Variants in SDS observed in about 807,000 individuals in gnomAD.
SDS encodes L-serine dehydratase/L-threonine deaminase.
Under a neutral mutation model 29.3 loss-of-function variants are expected in SDS, and 19 were observed. The ratio of observed to expected loss-of-function variants is 0.65; its 90% CI spans 0.45 to 0.95. SDS has a LOEUF of 0.95. Among genes scored for constraint, SDS ranks in the 40% least tolerant of loss-of-function variants. SDS has a pLI of 0.00. For missense variants in SDS, 375 were observed against 439.9 expected (o/e 0.85, Z 1.32); for synonymous variants, 176 against 189.0 (o/e 0.93, Z 0.56).
intron 6 of SDS, among the ~76,000 whole-genome samples, chr12:113,396,441 TTTTC>T (rs1445116513): frequency 2.7e-5 from 4 of 150,420 alleles, no homozygotes; most frequent in African/African-American, 7.4e-5. Context: ...TTCTCTTTCT[TTTTC>T]TTTCTCTCTT....
rs941835551 is a variant in SDS at position 113,392,781 on chromosome 12, G to C, written c.*160C>G. ...CCAATTCATAGCCTCGCTGGCTGCC[G>C]ACCTTTGGCCTCTGCATAGTGGGCT... On this transcript the variant is annotated 3_prime_UTR_variant, in exon 8 of 8. Coordinates refer to ENST00000257549, the MANE Select transcript of SDS (RefSeq NM_006843.3). The C allele has an allele frequency of 1.3e-6, 1 of 741,476 alleles. No individual in the cohort carries two copies. Among genetic ancestry groups the C allele is most frequent in the Non-Finnish European group, 2.3e-6 (1 of 428,176 alleles). 45.9% of individuals were successfully genotyped at this position (741,476 alleles called of 1,614,324 possible). A position where few individuals can be genotyped will look rare whatever the true frequency, so the allele number is the denominator to read the frequency against.
rs138384960 is a variant in SDS, at chr12:113,393,102, C to T, written c.826G>A (p.Ala276Thr). The T allele has an allele frequency of 2.6e-5, 42 of 1,613,990 alleles. No homozygotes were observed. Among genetic ancestry groups the T allele is most frequent in the African/African-American group, 2.1e-4 (16 of 74,950 alleles). ...VEPACGAALA[A>T]VYSHVIQKLQ... The stretch of plus-strand genomic sequence containing the variant: ...TTCTGGATCACGTGGCTATAGACAG[C>T]GGCCAGGGCTGCCCCGCAGGCGGGC... Residue 276 changes from alanine (A) to threonine (T), a missense_variant, in exon 8 of 8, where the codon GCT (alanine) becomes ACT (threonine). Coordinates refer to ENST00000257549, the MANE Select transcript of SDS (RefSeq NM_006843.3).
intron 5 of SDS, 94 bp from the exon 6 acceptor site, chr12:113,397,486 C>T (rs1011138132): frequency 1.7e-5 from 18 of 1,044,850 alleles, no homozygotes; most frequent in Non-Finnish European, 2.4e-5. Flanking sequence ...CTGATGGGGC[C>T]TGGAGCTAGT....
intron 5 of SDS, among the ~76,000 whole-genome samples, chr12:113,398,289 TCAAA>T (rs1360416125): frequency 6.6e-6 from 1 of 152,208 alleles, no homozygotes; most frequent in Non-Finnish European, 1.5e-5. Flanking sequence ...CAGACTGGTC[TCAAA>T]CACCTGACCT....
intron 5 of SDS, among the ~76,000 whole-genome samples, 200 bp downstream of exon 5, chr12:113,398,314 TC>T (rs1957661004): frequency 6.6e-6 from 1 of 152,148 alleles, no homozygotes; most frequent in South Asian, 2.1e-4. Flanking sequence ...CAAGTGATCC[TC>T]CCACCTTGGC....
Position 113,400,574 on chromosome 12 carries a change from C to T in SDS, c.-2-864G>A, listed in dbSNP as rs183060381. 1.8e-3 allele frequency among the ~76,000 whole-genome samples: 272 copies of T among 151,992 alleles called. 1 individual carries two copies. The highest frequency in any genetic ancestry group is 6.1e-3 in the African/African-American group (252 of 41,486). On this transcript the variant is annotated intron_variant, in intron 1 of 7. Coordinates refer to ENST00000257549, the MANE Select transcript of SDS (RefSeq NM_006843.3). The stretch of plus-strand genomic sequence containing the variant: ...CACACATACTCCATCCACACACACA[C>T]GATCCACTCCCACACACAATCCATC...
intron 1 of SDS, among the ~76,000 whole-genome samples, chr12:113,400,774 C>G (rs1188408256): frequency 6.6e-6 from 1 of 151,978 alleles, no homozygotes; most frequent in Non-Finnish European, 1.5e-5. Context: ...CTGAGGAGAG[C>G]TGGCCCTCGG....
intron 6 of SDS, chr12:113,396,548 T>C (rs1361356289): frequency 1.7e-4 from 5 of 29,302 alleles, no homozygotes; most frequent in Admixed American, 6.1e-4. Flanking sequence ...CTCTCTCCCT[T>C]CCTTCCTTCC....
At chr12:113,397,062 C>T (rs1174003696) in intron 6 of SDS, 103 bp downstream of exon 6, 1 of 1,047,464 alleles carries the variant, frequency 9.5e-7, no homozygotes, top group Non-Finnish European at 1.4e-6. Flanking sequence ...TCCATTGTCT[C>T]ATCTGTGAAA....
rs750505281 is a variant in SDS at position 113,398,495 on chromosome 12, TG to T, written c.425+19del. 33 of 1,538,822 alleles carry T rather than the reference TG, an allele frequency of 2.1e-5. No individual in the cohort carries two copies. In the East Asian group the frequency reaches 4.5e-4, roughly 21 times the overall value. The stretch of plus-strand genomic sequence containing the variant: ...GGCAGTGGCTGCCACCCCCACCAAG[TG>T]ACCTTGAACTCCACATACCAGATGA... On this transcript the variant is annotated intron_variant, in intron 5 of 7. Transcript: ENST00000257549.
rs930040174 is a variant in SDS at position 113,397,148 on chromosome 12, G to A, written c.653+17C>T. 1 of 1,609,962 alleles carries A rather than the reference G, an allele frequency of 6.2e-7. No individual in the cohort carries two copies. Among genetic ancestry groups the A allele is most frequent in the Non-Finnish European group, 8.5e-7 (1 of 1,176,392 alleles). Reference sequence around the variant, plus strand: ...AGTGCTTGCTGGACACCCGAGGGAGGCACCCCAGCTGCTCACCTGGTGATC... The same window carrying A: ...AGTGCTTGCTGGACACCCGAGGGAGACACCCCAGCTGCTCACCTGGTGATC... On this transcript the variant is annotated intron_variant, in intron 6 of 7. Transcript: ENST00000257549.
chr12:113,399,744 A>G, intron 1 of SDS, 34 bp from the exon 2 acceptor site: 1 of 1,502,640 alleles, frequency 6.7e-7, no homozygotes, highest in East Asian at 2.4e-5. Flanking sequence ...GAGGGTTAGG[A>G]GAGCTAGCCC....
intron 1 of SDS, among the ~76,000 whole-genome samples, chr12:113,401,295 T>G (rs1417761582): frequency 6.6e-6 from 1 of 152,210 alleles, no homozygotes; most frequent in Non-Finnish European, 1.5e-5. Context: ...AGCCCAATAT[T>G]CAGTTAGGAA....
At chr12:113,399,950 A>G (rs1256131308) in intron 1 of SDS, among the ~76,000 whole-genome samples, 2 of 152,116 alleles carry the variant, frequency 1.3e-5, no homozygotes, top group Non-Finnish European at 2.9e-5. Context: ...CCTCTCACAC[A>G]TTTGCTGGGA....
intron 6 of SDS, chr12:113,396,586 C>CTTCT (rs1957648272): frequency 2.7e-5 from 3 of 111,640 alleles, no homozygotes; most frequent in Non-Finnish European, 5.2e-5. Context: ...TCCTTCCTTC[C>CTTCT]TTCCTTCCTT....
intron 1 of SDS, among the ~76,000 whole-genome samples, chr12:113,402,063 G>A (rs1193258731): frequency 6.6e-6 from 1 of 152,136 alleles, no homozygotes; most frequent in Non-Finnish European, 1.5e-5. Flanking sequence ...AGAATGAGGG[G>A]TGGGGATTCC....
At chr12:113,403,229 C>T (rs1017000959) in intron 1 of SDS, among the ~76,000 whole-genome samples, 5 of 152,100 alleles carry the variant, frequency 3.3e-5, no homozygotes, top group Admixed American at 1.3e-4. Flanking sequence ...TGGGCTCCAG[C>T]GATCCTCCCA....
At chr12:113,402,089 C>T (rs1454210041) in intron 1 of SDS, among the ~76,000 whole-genome samples, 3 of 152,268 alleles carry the variant, frequency 2.0e-5, no homozygotes, top group African/African-American at 4.8e-5. Flanking sequence ...CCCCGCCAGA[C>T]TTAGCATCCC....
At chr12:113,398,118 T>G (rs1040258090) in intron 5 of SDS, among the ~76,000 whole-genome samples, 18 of 150,906 alleles carry the variant, frequency 1.2e-4, no homozygotes, top group Middle Eastern at 3.4e-3. Flanking sequence ...TTGCCCAGGC[T>G]GGAGTGCAGT....
Sources: allele counts gnomAD v4.1 joint callset (sites outside exome capture counted in the v4.1 genomes callset), GRCh38; gene constraint gnomAD v4.1.1; transcripts MANE v1.5; gene names NCBI Gene and HGNC (gene_info 2026-07-23, HGNC 2026-07-21).